The following ZNF385D variants were observed in gnomAD, a reference collection of about 807,000 sequenced individuals.
ZNF385D encodes zinc finger protein 659.
In ZNF385D, 15 loss-of-function variants were observed where a neutral mutation model predicts 35.8. The observed-to-expected ratio is 0.42, with a 90% CI of 0.28 to 0.64. The LOEUF (loss-of-function observed/expected upper bound fraction) is 0.64. Among genes scored for constraint, ZNF385D ranks in the 30% least tolerant of loss-of-function variants. The pLI is 0.23. For missense variants in ZNF385D, 474 were observed against 494.6 expected, an observed-to-expected ratio of 0.96 and a Z score of 0.39; for synonymous variants, 212 against 186.8, an observed-to-expected ratio of 1.13 and a Z score of -1.10.
intron 2 of ZNF385D, among the ~76,000 whole-genome samples, chr3:22,195,660 C>A (rs1270399012): frequency 6.6e-6 from 1 of 151,968 alleles, no homozygotes; most frequent in Admixed American, 6.6e-5. Flanking sequence ...ACTAACAAAG[C>A]ATGACGATGC....
chr3:22,335,774 A>G (rs549939693), intron 2 of ZNF385D, among the ~76,000 whole-genome samples: 1 of 152,254 alleles, frequency 6.6e-6, no homozygotes, highest in South Asian at 2.1e-4. Flanking sequence ...CCATATTTCT[A>G]TTATACACAT....
At chr3:22,352,648 T>C (rs1695969630) in intron 2 of ZNF385D, among the ~76,000 whole-genome samples, 1 of 152,126 alleles carries the variant, frequency 6.6e-6, no homozygotes, top group Admixed American at 6.6e-5. Flanking sequence ...TCACTAAAGG[T>C]TTATGTACAA....
Position 22,178,241 on chromosome 3 carries a change from T to C in ZNF385D, c.107-9206A>G, listed in dbSNP as rs533759582. On this transcript the variant is annotated intron_variant, in intron 2 of 5. Coordinates refer to the ZNF385D transcript ENST00000494108. ...TCCTATTTCTCCACATCCTCTCCAGTACCTGTTGTTTCCTGACTTTTTAAT... is the reference window on the plus strand; with the variant it reads ...TCCTATTTCTCCACATCCTCTCCAGCACCTGTTGTTTCCTGACTTTTTAAT... Among the ~76,000 whole-genome samples the C allele has an allele frequency of 7.2e-3, 1,089 of 152,156 alleles. 13 individuals are homozygous for C. The highest frequency in any genetic ancestry group is 0.023 in the African/African-American group (961 of 41,458).
At chr3:22,156,998 C>G (rs888893926) in intron 3 of ZNF385D, among the ~76,000 whole-genome samples, 1 of 152,118 alleles carries the variant, frequency 6.6e-6, no homozygotes, top group Non-Finnish European at 1.5e-5. Context: ...AACTCTTCAG[C>G]ACAAGGTAGA....
At chr3:21,934,090 G>C (rs1032127363) in intron 3 of ZNF385D, among the ~76,000 whole-genome samples, 1 of 151,996 alleles carries the variant, frequency 6.6e-6, no homozygotes, top group Non-Finnish European at 1.5e-5. Flanking sequence ...GTGTAAAAGA[G>C]AATCGAGCAT....
intron 3 of ZNF385D, among the ~76,000 whole-genome samples, chr3:22,057,828 C>T (rs533058489): frequency 6.6e-6 from 1 of 152,196 alleles, no homozygotes; most frequent in Non-Finnish European, 1.5e-5. Context: ...GTTTTTAAAA[C>T]CCAATTTACT....
At chr3:22,095,180 G>C (rs1701549233) in intron 3 of ZNF385D, among the ~76,000 whole-genome samples, 1 of 148,736 alleles carries the variant, frequency 6.7e-6, no homozygotes, top group African/African-American at 2.5e-5. Context: ...AGTAGTCTTG[G>C]TCTCCCAAAG....
intron 4 of ZNF385D, among the ~76,000 whole-genome samples, chr3:21,481,774 T>G (rs1162530214): frequency 6.6e-6 from 1 of 152,184 alleles, no homozygotes; most frequent in Non-Finnish European, 1.5e-5. Context: ...CACTGTCTAG[T>G]TAGCTAGTAT....
chr3:22,002,898 CAAATTAGGCACACAAG>C (rs1439311065), intron 3 of ZNF385D, among the ~76,000 whole-genome samples: 1 of 152,062 alleles, frequency 6.6e-6, no homozygotes, highest in Non-Finnish European at 1.5e-5. Flanking sequence ...AACATCTCAA[CAAATTAGGCACACAAG>C]AAACATATCT....
At chr3:22,247,597 A>G (rs1000307537) in intron 2 of ZNF385D, among the ~76,000 whole-genome samples, 4 of 148,364 alleles carry the variant, frequency 2.7e-5, no homozygotes, top group Non-Finnish European at 5.9e-5. Context: ...TGCTATTTAT[A>G]TACCAACCAT....
Position 21,498,708 on chromosome 3 carries a change from C to T in ZNF385D, c.439+12153G>A, listed in dbSNP as rs979313940. Among the ~76,000 whole-genome samples, 3 of 151,946 alleles carry T rather than the reference C, an allele frequency of 2.0e-5. No individual in the cohort carries two copies. In the East Asian group the frequency reaches 5.8e-4, roughly 29 times the overall value. ...TAATAACAAGTCACACTTTGGGAGGCCAAGGCAGGTGGATCACAAGGTCAA... is the reference window on the plus strand; with the variant it reads ...TAATAACAAGTCACACTTTGGGAGGTCAAGGCAGGTGGATCACAAGGTCAA... On this transcript the variant is annotated intron_variant, in intron 4 of 7. Coordinates refer to ENST00000281523, the MANE Select transcript of ZNF385D (RefSeq NM_024697.3).
chr3:21,561,260 T>A (rs779215880), intron 3 of ZNF385D, among the ~76,000 whole-genome samples: 2 of 152,174 alleles, frequency 1.3e-5, no homozygotes, highest in African/African-American at 2.4e-5. Flanking sequence ...GCTGGAAACT[T>A]AGGGCCCTGG....
At chr3:22,360,857 C>T (rs1488349791) in intron 2 of ZNF385D, among the ~76,000 whole-genome samples, 2 of 151,908 alleles carry the variant, frequency 1.3e-5, no homozygotes, top group East Asian at 1.9e-4. Flanking sequence ...TGCTATTAAT[C>T]GGGGCGATCA....
intron 3 of ZNF385D, among the ~76,000 whole-genome samples, chr3:21,782,343 C>T (rs1267330367): frequency 6.6e-6 from 1 of 152,004 alleles, no homozygotes; most frequent in Non-Finnish European, 1.5e-5. Context: ...TGACCTGCTA[C>T]CTGGAGGAAA....
intron 2 of ZNF385D, among the ~76,000 whole-genome samples, chr3:21,588,672 G>A (rs2063884745): frequency 6.6e-6 from 1 of 152,062 alleles, no homozygotes; most frequent in African/African-American, 2.4e-5. Context: ...AGTATAATAT[G>A]ATTTTTCATA....
intron 3 of ZNF385D, among the ~76,000 whole-genome samples, chr3:22,014,544 C>T (rs1696767918): frequency 6.6e-6 from 1 of 152,010 alleles, no homozygotes; most frequent in Non-Finnish European, 1.5e-5. Context: ...AGTTTGAACC[C>T]CAAACCCACA....
intron 3 of ZNF385D, among the ~76,000 whole-genome samples, chr3:21,879,912 G>A (rs1189719717): frequency 1.3e-5 from 2 of 151,890 alleles, no homozygotes; most frequent in African/African-American, 4.8e-5. Context: ...TGCAAGTGGG[G>A]GAACAAACTC....
At chr3:22,057,080 C>T (rs1699441657) in intron 3 of ZNF385D, among the ~76,000 whole-genome samples, 1 of 152,182 alleles carries the variant, frequency 6.6e-6, no homozygotes, top group Admixed American at 6.5e-5. Flanking sequence ...AATAATTTAA[C>T]CTACCACATC....
At chr3:21,598,882 A>G (rs570577588) in intron 2 of ZNF385D, among the ~76,000 whole-genome samples, 10 of 152,312 alleles carry the variant, frequency 6.6e-5, no homozygotes, top group Middle Eastern at 3.4e-3. Flanking sequence ...CCATTCCCTT[A>G]TGATCAGAAA....
Sources: gnomAD v4.1 joint callset for allele counts (sites outside exome capture counted in the v4.1 genomes callset) on GRCh38, gnomAD v4.1.1 for gene constraint, MANE v1.5 for transcripts, NCBI Gene and HGNC (gene_info 2026-07-23, HGNC 2026-07-21) for gene names.